CTDSP2: variants seen among roughly 807,000 people sequenced by gnomAD.
The protein encoded by CTDSP2 is carboxy-terminal domain RNA polymerase II polypeptide A small phosphatase 2.
A neutral mutation model predicts 31.6 loss-of-function variants in CTDSP2; 9 were observed. That is an observed-to-expected ratio of 0.28 (90% CI 0.17 to 0.50). The LOEUF (loss-of-function observed/expected upper bound fraction) is 0.50, where lower values mean the gene tolerates loss of function less well. Among genes scored for constraint, CTDSP2 ranks in the 20% least tolerant of loss-of-function variants. The pLI, the probability that CTDSP2 is intolerant of heterozygous loss-of-function variation, is 0.98. For synonymous variants in CTDSP2, 134 were observed against 134.5 expected, an observed-to-expected ratio of 1.00 and a Z score of 0.03; for missense variants, 267 against 348.5, an observed-to-expected ratio of 0.77 and a Z score of 1.86.
chr12:57,836,091 G>A (rs1263322864), intron 1 of CTDSP2, among the ~76,000 whole-genome samples: 4 of 152,136 alleles, frequency 2.6e-5, no homozygotes, highest in Admixed American at 2.6e-4. Flanking sequence ...CAGACCAGGA[G>A]CCCTCCCACC....
In CTDSP2 at chr12:57,821,322, C is replaced by G. The variant is rs1565842291; in HGVS notation, c.*2280G>C. The G allele has an allele frequency of 6.6e-6, 1 of 152,370 alleles. No individual in the cohort carries two copies. Among genetic ancestry groups the G allele is most frequent in the East Asian group, 1.9e-4 (1 of 5,172 alleles). 9.4% of individuals were successfully genotyped at this position (152,370 alleles called of 1,614,324 possible). Reference sequence around the variant, plus strand: ...AAGCAGGGGCTTCATGCAGATGCAGCAGGGACACTCCCACCAAGCCATCCT... The same window carrying G: ...AAGCAGGGGCTTCATGCAGATGCAGGAGGGACACTCCCACCAAGCCATCCT... On this transcript the variant is annotated 3_prime_UTR_variant, in exon 8 of 8. Transcript: ENST00000398073.
rs111421573 is a variant in CTDSP2 at position 57,823,997 on chromosome 12, G to A, written c.597C>T (p.Tyr199=). 1.9e-5 allele frequency: 31 copies of A among 1,613,958 alleles called. No homozygotes were observed. Among genetic ancestry groups the A allele is most frequent in the African/African-American group, 5.3e-5 (4 of 74,900 alleles). The change falls in exon 7 of 8, where the codon TAC becomes TAT. Residue 199 remains tyrosine, a synonymous_variant. Coordinates refer to ENST00000398073, the MANE Select transcript of CTDSP2 (RefSeq NM_005730.4). ...TCCCCAGGCGGCTGAGGTCCTTGACGTAGCAGCCCTGGTGGAACACGCAAG... is the reference window on the plus strand; with the variant it reads ...TCCCCAGGCGGCTGAGGTCCTTGACATAGCAGCCCTGGTGGAACACGCAAG... ...RESCVFHQGC[Y]VKDLSRLGRD... is the part of the protein sequence containing the mutation.
Position 57,846,481 on chromosome 12 carries a change from G to C in CTDSP2, c.-46C>G. 6.6e-7 allele frequency: 1 copy of C among 1,518,306 alleles called. No homozygotes were observed. The highest frequency in any genetic ancestry group is 8.9e-7 in the Non-Finnish European group (1 of 1,128,784). 94.1% of individuals were successfully genotyped at this position (1,518,306 alleles called of 1,614,324 possible). A position where few individuals can be genotyped will look rare whatever the true frequency, so the allele number is the denominator to read the frequency against. ...GGCTGGCTGGGCGGGAGGACGGGCG[G>C]GCGCGCGGGCTGGGCTGGGCTGGGG... On this transcript the variant is annotated 5_prime_UTR_variant, in exon 1 of 8. Transcript: ENST00000398073.
intron 4 of CTDSP2, 45 bp downstream of exon 4, chr12:57,826,951 G>A (rs1295846694): frequency 7.0e-7 from 1 of 1,425,398 alleles, no homozygotes; most frequent in Admixed American, 1.7e-5. Flanking sequence ...AGATTCACAA[G>A]AAGGCCCAAG....
intron 1 of CTDSP2, among the ~76,000 whole-genome samples, chr12:57,843,101 C>T (rs752000688): frequency 6.6e-6 from 1 of 152,042 alleles, no homozygotes. Context: ...TCATGGACAA[C>T]AAAAAAATCT....
At chr12:57,838,423 C>A (rs1956260865) in intron 1 of CTDSP2, among the ~76,000 whole-genome samples, 1 of 152,152 alleles carries the variant, frequency 6.6e-6, no homozygotes. Context: ...CTGGAGTTAC[C>A]CCTCCTTCCC....
intron 1 of CTDSP2, among the ~76,000 whole-genome samples, chr12:57,833,179 T>G (rs1363663164): frequency 6.6e-6 from 1 of 151,942 alleles, no homozygotes; most frequent in Non-Finnish European, 1.5e-5. Context: ...TCCTGAGAGG[T>G]TGCGGGGGTG....
In CTDSP2 at chr12:57,824,401, C is replaced by T. The variant is rs558265050; in HGVS notation, c.412-82G>A. ...CTGGGTACCTTCACCAGTTACACAG[C>T]AGCAAGGAGCTCTCAACCCCTGCAG... On this transcript the variant is annotated intron_variant, in intron 5 of 7. Transcript: ENST00000398073. 1.2e-4 allele frequency: 122 copies of T among 1,037,348 alleles called. No individual in the cohort carries two copies. In the African/African-American group the frequency reaches 1.6e-3, roughly 14 times the overall value. 64.3% of individuals were successfully genotyped at this position (1,037,348 alleles called of 1,614,324 possible).
intron 5 of CTDSP2, among the ~76,000 whole-genome samples, chr12:57,825,340 A>G (rs952759051): frequency 6.6e-6 from 1 of 152,100 alleles, no homozygotes; most frequent in Non-Finnish European, 1.5e-5. Flanking sequence ...GACCTCCAAC[A>G]AGCCCCTTCC....
At chr12:57,833,723 A>C (rs1246951081) in intron 1 of CTDSP2, among the ~76,000 whole-genome samples, 1 of 152,214 alleles carries the variant, frequency 6.6e-6, no homozygotes, top group Non-Finnish European at 1.5e-5. Flanking sequence ...GACCTGGGGA[A>C]GCCTCCACTA....
intron 1 of CTDSP2, among the ~76,000 whole-genome samples, chr12:57,835,909 T>C (rs566895486): frequency 6.6e-6 from 1 of 152,282 alleles, no homozygotes; most frequent in South Asian, 2.1e-4. Context: ...TCCTCATCCA[T>C]AAACTGGGAT....
At chr12:57,839,995 T>G (rs1956272938) in intron 1 of CTDSP2, among the ~76,000 whole-genome samples, 1 of 151,946 alleles carries the variant, frequency 6.6e-6, no homozygotes, top group Non-Finnish European at 1.5e-5. Flanking sequence ...CTCTGTCCAT[T>G]TACTCTGAAA....
chr12:57,823,732 T>C lies in CTDSP2; in HGVS notation c.691-5A>G. ...AAACCAGGACTGCACAGGCACCTGGTGGGGGGAAGATGTGGTGTCAATCTC... is the reference window on the plus strand; with the variant it reads ...AAACCAGGACTGCACAGGCACCTGGCGGGGGGAAGATGTGGTGTCAATCTC... On this transcript the variant is annotated splice_region_variant and splice_polypyrimidine_tract_variant and intron_variant, in intron 7 of 7. Coordinates refer to ENST00000398073, the MANE Select transcript of CTDSP2 (RefSeq NM_005730.4). The C allele has an allele frequency of 6.2e-7, 1 of 1,613,752 alleles. No individual in the cohort carries two copies. Among genetic ancestry groups the C allele is most frequent in the Non-Finnish European group, 8.5e-7 (1 of 1,179,974 alleles).
chr12:57,830,596 C>T (rs532512837), intron 1 of CTDSP2, among the ~76,000 whole-genome samples: 1 of 152,284 alleles, frequency 6.6e-6, no homozygotes, highest in East Asian at 1.9e-4. Flanking sequence ...GATGGGGAGC[C>T]TAATTGGTAA....
chr12:57,826,924 CT>C, intron 4 of CTDSP2, 71 bp downstream of exon 4: 1 of 1,208,792 alleles, frequency 8.3e-7, no homozygotes, highest in Non-Finnish European at 1.2e-6. Flanking sequence ...TTTAGGCTGC[CT>C]TACACATCTG....
In CTDSP2 at chr12:57,823,952, G is replaced by A; in HGVS notation, c.642C>T (p.Leu214=). The A allele has an allele frequency of 1.9e-6, 3 of 1,614,126 alleles. No individual in the cohort carries two copies. The highest frequency in any genetic ancestry group is 2.5e-6 in the Non-Finnish European group (3 of 1,180,010). ...AAGAAGCAGGCGAGTTGTCCAGGAT[G>A]AGGGTCTTTCTCAGGTCCCTCCCCA... The part of the protein sequence containing the change: ...SRLGRDLRKT[L]ILDNSPASYI... Residue 214 remains leucine (L), a synonymous_variant, in exon 7 of 8, where the codon CTC becomes CTT. Transcript: ENST00000398073.
In CTDSP2 at chr12:57,826,989, G is replaced by C; in HGVS notation, c.354+7C>G. The C allele has an allele frequency of 1.2e-6, 2 of 1,601,890 alleles. No homozygotes were observed. The highest frequency in any genetic ancestry group is 4.5e-5 in the East Asian group (2 of 44,824). ...AAAGGTAGGAAGGGTTCCAGACATT[G>C]AGTTACCTTAAAGGAGCTATGCACA... On this transcript the variant is annotated splice_region_variant and intron_variant, in intron 4 of 7. Coordinates refer to ENST00000398073, the MANE Select transcript of CTDSP2 (RefSeq NM_005730.4).
chr12:57,826,438 G>A (rs1446858441), intron 4 of CTDSP2, 36 bp from the exon 5 acceptor site: 1 of 1,608,648 alleles, frequency 6.2e-7, no homozygotes, highest in Non-Finnish European at 8.5e-7. Context: ...TCAGCATGGT[G>A]GCAAAGAAAC....
intron 4 of CTDSP2, among the ~76,000 whole-genome samples, chr12:57,826,669 C>A (rs1956184769): frequency 6.6e-6 from 1 of 152,206 alleles, no homozygotes; most frequent in South Asian, 2.1e-4. Context: ...GGGGCAAGGG[C>A]CAAAGGTGAT....
Sources: allele counts gnomAD v4.1 joint callset (sites outside exome capture counted in the v4.1 genomes callset), GRCh38; gene constraint gnomAD v4.1.1; transcripts MANE v1.5; gene names NCBI Gene and HGNC (gene_info 2026-07-23, HGNC 2026-07-21).